The following ADORA2B variants were observed in gnomAD, a reference collection of about 807,000 sequenced individuals.
ADORA2B encodes the protein adenosine A2b receptor, also known as adenosine receptor A2b.
Under a neutral mutation model 20.8 loss-of-function variants are expected in ADORA2B, and 18 were observed. The ratio of observed to expected loss-of-function variants is 0.87; its 90% CI spans 0.60 to 1.29. The LOEUF is 1.29. Ranked by LOEUF, ADORA2B falls within the 50% of genes most tolerant of loss-of-function variation. The probability of loss-of-function intolerance (pLI) is 0.00; values close to 1 mark genes in which losing one functional copy is unlikely to be tolerated. For synonymous variants in ADORA2B, 179 were observed against 178.3 expected (o/e 1.00, Z -0.03); for missense variants, 441 against 422.7 (o/e 1.04, Z -0.38).
At chr17:15,912,904 T>C in the ADORA2B span, among the ~76,000 whole-genome samples, 1 of 152,202 alleles carries the variant, frequency 6.6e-6, no homozygotes, top group Non-Finnish European at 1.5e-5. Flanking sequence ...GCACACACAC[T>C]TTACAGGTAC....
At chr17:15,874,062 G>GTATA in the ADORA2B span, among the ~76,000 whole-genome samples, 17 of 99,584 alleles carry the variant, frequency 1.7e-4, no homozygotes, top group African/African-American at 4.3e-4. Flanking sequence ...ATATATATGT[G>GTATA]TGTGTGTATA....
At chr17:15,950,980 C>T (rs1053427880) in intron 1 of ADORA2B, among the ~76,000 whole-genome samples, 9 of 152,210 alleles carry the variant, frequency 5.9e-5, no homozygotes, top group African/African-American at 1.7e-4. Context: ...GGCCTTACAC[C>T]CCAGGATGCA....
At chr17:15,867,700 C>A in the ADORA2B span, among the ~76,000 whole-genome samples, 1 of 150,464 alleles carries the variant, frequency 6.6e-6, no homozygotes, top group South Asian at 2.1e-4. Flanking sequence ...CGGCCAGCCG[C>A]CCCGTCCGGG....
the ADORA2B span, among the ~76,000 whole-genome samples, chr17:15,935,061 C>A: frequency 8.5e-5 from 13 of 152,178 alleles, no homozygotes; most frequent in Non-Finnish European, 1.3e-4. Context: ...CACACTCTGG[C>A]CTCCCAAAGT....
chr17:15,930,049 G>T, the ADORA2B span, among the ~76,000 whole-genome samples: 1 of 152,132 alleles, frequency 6.6e-6, no homozygotes, highest in Non-Finnish European at 1.5e-5. Context: ...CTATCCTATT[G>T]CCTCGAGGCC....
chr17:15,936,096 C>T, the ADORA2B span, among the ~76,000 whole-genome samples: 1 of 151,896 alleles, frequency 6.6e-6, no homozygotes, highest in Non-Finnish European at 1.5e-5. Flanking sequence ...AGGCTGGTCT[C>T]GAACTCCTGA....
At chr17:15,893,957 T>C in the ADORA2B span, among the ~76,000 whole-genome samples, 18 of 152,196 alleles carry the variant, frequency 1.2e-4, no homozygotes, top group African/African-American at 3.4e-4. Context: ...ACTTTGTAAA[T>C]GAATGGGCAT....
the ADORA2B span, among the ~76,000 whole-genome samples, chr17:15,899,955 C>T: frequency 6.6e-6 from 1 of 152,032 alleles, no homozygotes; most frequent in African/African-American, 2.4e-5. Context: ...CCTCAGCCTC[C>T]TGAGTAGCTG....
chr17:15,947,559 T>TC (rs1215925119), intron 1 of ADORA2B, among the ~76,000 whole-genome samples: 1 of 152,222 alleles, frequency 6.6e-6, no homozygotes, highest in African/African-American at 2.4e-5. Context: ...CATCCTGCCT[T>TC]CCTGGCCCGT....
In ADORA2B at chr17:15,945,456, G is replaced by T; in HGVS notation, c.208G>T (p.Gly70Cys). Residue 70 changes from glycine to cysteine, a missense_variant, in exon 1 of 2, where the codon GGC becomes TGC. Physicochemically the swap from Gly to Cys is radical, Grantham distance 159. Coordinates refer to ENST00000304222, the MANE Select transcript of ADORA2B (RefSeq NM_000676.4). ...CCCCTTTGCCATCACCATCAGCCTG[G>T]GCTTCTGCACTGACTTCTACGGCTG... is the stretch of plus-strand genomic sequence containing the variant. ...AIPFAITISL[G>C]FCTDFYGCLF... The T allele has an allele frequency of 6.2e-7, 1 of 1,613,644 alleles. No homozygotes were observed. Among genetic ancestry groups the T allele is most frequent in the Non-Finnish European group, 8.5e-7 (1 of 1,179,968 alleles).
the ADORA2B span, among the ~76,000 whole-genome samples, chr17:15,878,181 G>A: frequency 1.1e-3 from 42 of 37,212 alleles, no homozygotes; most frequent in South Asian, 0.016. Context: ...GTGTGTGTGT[G>A]TATACACACA....
chr17:15,953,499 T>C (rs1302835861), intron 1 of ADORA2B, among the ~76,000 whole-genome samples: 1 of 152,214 alleles, frequency 6.6e-6, no homozygotes, highest in Non-Finnish European at 1.5e-5. Flanking sequence ...GGTTTTGTGC[T>C]GCCATCTTGA....
rs149053601 is a variant in ADORA2B at position 15,958,039 on chromosome 17, G to C, written c.335+12456G>C. On this transcript the variant is annotated intron_variant, in intron 1 of 1. Transcript: ENST00000304222. ...CTTCCTTTTTTTTTTTTTTTCTTGAGACAGAGTTTCACTCTTGTTGCCCAG... is the reference window on the plus strand; with the variant it reads ...CTTCCTTTTTTTTTTTTTTTCTTGACACAGAGTTTCACTCTTGTTGCCCAG... Among the ~76,000 whole-genome samples the C allele has an allele frequency of 1.2e-4, 17 of 143,222 alleles. No homozygotes were observed. The East Asian group carries it at 3.1e-3, about 26-fold the overall frequency. The allele number at this position is 143,222 out of a possible 152,430, so 94.0% of individuals were successfully genotyped here.
At chr17:15,936,627 A>G in the ADORA2B span, among the ~76,000 whole-genome samples, 1 of 152,092 alleles carries the variant, frequency 6.6e-6, no homozygotes, top group East Asian at 1.9e-4. Context: ...GCCCCTTTTA[A>G]TTTTTTGAAC....
the ADORA2B span, among the ~76,000 whole-genome samples, chr17:15,885,876 G>A: frequency 6.6e-6 from 1 of 152,212 alleles, no homozygotes; most frequent in Non-Finnish European, 1.5e-5. Context: ...GTCACACTGA[G>A]TTGCTTTAAT....
At chr17:15,918,380 C>T in the ADORA2B span, among the ~76,000 whole-genome samples, 7 of 152,320 alleles carry the variant, frequency 4.6e-5, no homozygotes, top group East Asian at 3.9e-4. Context: ...ACCTTTCCTC[C>T]GGTAGGGGCC....
intron 1 of ADORA2B, among the ~76,000 whole-genome samples, chr17:15,966,436 T>G (rs1018399131): frequency 2.0e-5 from 3 of 152,184 alleles, no homozygotes; most frequent in Non-Finnish European, 4.4e-5. Flanking sequence ...TGATCTATAC[T>G]AGGAGCACCT....
At chr17:15,939,793 G>A in the ADORA2B span, among the ~76,000 whole-genome samples, 4 of 150,664 alleles carry the variant, frequency 2.7e-5, no homozygotes, top group Admixed American at 6.6e-5. Context: ...CCCAGGAGGC[G>A]GAGCTTGCGT....
the ADORA2B span, among the ~76,000 whole-genome samples, chr17:15,911,550 C>T: frequency 6.6e-6 from 1 of 152,138 alleles, no homozygotes; most frequent in African/African-American, 2.4e-5. Flanking sequence ...CCATACCAGC[C>T]CCTCTCCAGT....
Sources: allele counts gnomAD v4.1 joint callset (sites outside exome capture counted in the v4.1 genomes callset), GRCh38; gene constraint gnomAD v4.1.1; transcripts MANE v1.5; gene names NCBI Gene and HGNC (gene_info 2026-07-23, HGNC 2026-07-21).